BCAT1: variants seen among roughly 807,000 people sequenced by gnomAD.
BCAT1 encodes branched chain amino acid transaminase 1.
BCAT1 carries 48 observed loss-of-function variants against 52.4 expected under a neutral mutation model. The ratio of observed to expected loss-of-function variants is 0.92; its 90% CI spans 0.73 to 1.16. BCAT1 has a LOEUF of 1.16. Among genes scored for constraint, BCAT1 ranks in the 50% most tolerant of loss-of-function variants. The probability of loss-of-function intolerance (pLI) is 0.00; values close to 1 mark genes in which losing one functional copy is unlikely to be tolerated. For missense variants in BCAT1, 451 were observed against 457.1 expected, an observed-to-expected ratio of 0.99 and a Z score of 0.12; for synonymous variants, 167 against 161.3, an observed-to-expected ratio of 1.04 and a Z score of -0.27.
chr12:24,903,970 A>G (rs1361183710), intron 1 of BCAT1: 1 of 152,182 alleles, frequency 6.6e-6, no homozygotes, highest in Non-Finnish European at 1.5e-5. Context: ...AAAGCGGTTA[A>G]ATCCGGTTTG....
intron 2 of BCAT1, among the ~76,000 whole-genome samples, chr12:24,895,156 C>G (rs1942931180): frequency 6.6e-6 from 1 of 152,184 alleles, no homozygotes; most frequent in Non-Finnish European, 1.5e-5. Flanking sequence ...AGCATCTCAC[C>G]AGCTCCCGAC....
At chr12:24,947,300 T>C (rs541792001) in intron 1 of BCAT1, among the ~76,000 whole-genome samples, 67 of 152,292 alleles carry the variant, frequency 4.4e-4, no homozygotes, top group Middle Eastern at 3.4e-3. Flanking sequence ...TCACTTACCA[T>C]TTTTGTACAC....
intron 3 of BCAT1, among the ~76,000 whole-genome samples, chr12:24,884,193 A>G (rs76554276): frequency 0.023 from 3,547 of 152,358 alleles, 113 homozygotes; most frequent in African/African-American, 0.081. Flanking sequence ...TCCATCATTT[A>G]CAATGACATG....
rs1939781593 is a variant in BCAT1, at chr12:24,813,934, C to T, written c.*4074G>A. On this transcript the variant is annotated 3_prime_UTR_variant, in exon 11 of 11. Transcript: ENST00000261192. ...GCCATTGATTTCTTAAAACTAACTT[C>T]CTAATCTCTATTGTTGGTTATGTCA... is the stretch of plus-strand genomic sequence containing the variant. The T allele has an allele frequency of 6.6e-6, 1 of 152,036 alleles. No individual in the cohort carries two copies. The highest frequency in any genetic ancestry group is 2.4e-5 in the African/African-American group (1 of 41,418). 9.4% of individuals were successfully genotyped at this position (152,036 alleles called of 1,614,324 possible).
In BCAT1 at chr12:24,818,067, A is replaced by G. The variant is rs1220304572; in HGVS notation, c.1120-18T>C. The G allele has an allele frequency of 9.9e-6, 16 of 1,611,968 alleles. No individual in the cohort carries two copies. Among genetic ancestry groups the G allele is most frequent in the Non-Finnish European group, 1.3e-5 (15 of 1,178,582 alleles). On this transcript the variant is annotated intron_variant, in intron 10 of 10. Coordinates refer to ENST00000261192, the MANE Select transcript of BCAT1 (RefSeq NM_005504.7). ...CTTCCATACTGCAACAAAAGCAAGA[A>G]AACGTGTTTCAGTACAGAAGCTAAC...
intron 1 of BCAT1, among the ~76,000 whole-genome samples, chr12:24,925,420 G>A (rs777354413): frequency 1.3e-5 from 2 of 152,084 alleles, no homozygotes; most frequent in East Asian, 1.9e-4. Context: ...TCTCTCTCTC[G>A]ATCTCTTGAT....
At chr12:24,915,823 G>T (rs1224129314) in intron 1 of BCAT1, among the ~76,000 whole-genome samples, 1 of 152,190 alleles carries the variant, frequency 6.6e-6, no homozygotes, top group African/African-American at 2.4e-5. Context: ...AGTTGGCTTT[G>T]TTGGAATTTT....
intron 4 of BCAT1, among the ~76,000 whole-genome samples, chr12:24,879,905 T>C (rs1325002623): frequency 6.6e-6 from 1 of 152,210 alleles, no homozygotes; most frequent in African/African-American, 2.4e-5. Flanking sequence ...GGTAGCAAAA[T>C]TGATGTCTAA....
chr12:24,850,235 A>G (rs1425858474), intron 5 of BCAT1, among the ~76,000 whole-genome samples: 1 of 152,220 alleles, frequency 6.6e-6, no homozygotes, highest in African/African-American at 2.4e-5. Context: ...GAGGACAGAC[A>G]TATTTCTAAC....
chr12:24,836,119 T>G (rs1940913589), intron 8 of BCAT1, among the ~76,000 whole-genome samples: 1 of 152,192 alleles, frequency 6.6e-6, no homozygotes, highest in Admixed American at 6.5e-5. Flanking sequence ...ATGGTTACAC[T>G]GGTATAAATA....
chr12:24,903,801 G>A (rs1290057367), intron 1 of BCAT1: 1 of 152,194 alleles, frequency 6.6e-6, no homozygotes, highest in Non-Finnish European at 1.5e-5. Flanking sequence ...GGTTTAGAAA[G>A]GGAAAGGAGG....
At chr12:24,869,389 AG>A (rs761181099) in intron 5 of BCAT1, among the ~76,000 whole-genome samples, 2 of 152,172 alleles carry the variant, frequency 1.3e-5, no homozygotes, top group Non-Finnish European at 2.9e-5. Flanking sequence ...TCTGCAAGGC[AG>A]GAAGCATGCT....
chr12:24,938,642 T>G (rs1433464497), intron 1 of BCAT1, among the ~76,000 whole-genome samples: 1 of 152,060 alleles, frequency 6.6e-6, no homozygotes, highest in Non-Finnish European at 1.5e-5. Context: ...CCTCAAGGTC[T>G]TCTATGATTA....
rs1334289970 is a variant in BCAT1, at chr12:24,902,370, C to G, written c.7-485G>C. ...CATTTCCTCCACCAGCAGGGTCCTC[C>G]GATGCCGCAGCATCCACCCCACACC... On this transcript the variant is annotated intron_variant, in intron 1 of 10. Coordinates refer to ENST00000261192, the MANE Select transcript of BCAT1 (RefSeq NM_005504.7). The G allele has an allele frequency of 4.3e-6, 5 of 1,163,052 alleles. No homozygotes were observed. In the South Asian group the frequency reaches 1.4e-4, roughly 34 times the overall value. The allele number at this position is 1,163,052 out of a possible 1,614,324, so 72.0% of individuals were successfully genotyped here.
At chr12:24,916,997 TA>T (rs1193159068) in intron 1 of BCAT1, among the ~76,000 whole-genome samples, 1 of 152,102 alleles carries the variant, frequency 6.6e-6, no homozygotes, top group Non-Finnish European at 1.5e-5. Flanking sequence ...CTGTAAGCTA[TA>T]AATAGCTCAA....
intron 7 of BCAT1, among the ~76,000 whole-genome samples, chr12:24,840,355 GGCAGATGGGAAGAA>G (rs1941137976): frequency 6.6e-6 from 1 of 152,108 alleles, no homozygotes; most frequent in Non-Finnish European, 1.5e-5. Flanking sequence ...GGTAAGAGTG[GGCAGATGGGAAGAA>G]GGGTTGAATC....
intron 1 of BCAT1, among the ~76,000 whole-genome samples, chr12:24,944,111 A>G (rs542690263): frequency 2.0e-5 from 3 of 152,354 alleles, no homozygotes; most frequent in African/African-American, 4.8e-5. Flanking sequence ...CACTATTCTT[A>G]TAAGTGTACA....
intron 5 of BCAT1, among the ~76,000 whole-genome samples, chr12:24,854,760 C>A (rs143179749): frequency 6.6e-6 from 1 of 152,126 alleles, no homozygotes; most frequent in Non-Finnish European, 1.5e-5. Flanking sequence ...GAAACTGAGG[C>A]TTCAAACAAT....
At chr12:24,881,200 C>T in intron 4 of BCAT1, 101 bp downstream of exon 4, 1 of 843,636 alleles carries the variant, frequency 1.2e-6, no homozygotes, top group Non-Finnish European at 1.9e-6. Context: ...ATGGTTTGTA[C>T]TGAATATTTA....
Sources: gnomAD v4.1 joint callset for allele counts (sites outside exome capture counted in the v4.1 genomes callset) on GRCh38, gnomAD v4.1.1 for gene constraint, MANE v1.5 for transcripts, NCBI Gene and HGNC (gene_info 2026-07-23, HGNC 2026-07-21) for gene names.